Variants in CRTAC1 observed in about 807,000 individuals in gnomAD.
CRTAC1 encodes cartilage acidic protein 1.
A neutral mutation model predicts 67.8 loss-of-function variants in CRTAC1; 37 were observed. The ratio of observed to expected loss-of-function variants is 0.55; its 90% confidence interval spans 0.42 to 0.72. The LOEUF (loss-of-function observed/expected upper bound fraction) is 0.72, where lower values mean the gene tolerates loss of function less well. CRTAC1 is among the 30% of genes least tolerant of loss of function. The pLI is 0.00. For synonymous variants in CRTAC1, 348 were observed against 371.0 expected (o/e 0.94, Z 0.71); for missense variants, 780 against 931.6 (o/e 0.84, Z 2.12).
At chr10:97,934,885 G>T (rs920891149) in intron 3 of CRTAC1, among the ~76,000 whole-genome samples, 1 of 144,928 alleles carries the variant, frequency 6.9e-6, no homozygotes, top group Non-Finnish European at 1.5e-5. Flanking sequence ...CCGCAGAGAT[G>T]TTACAGCCCC....
At chr10:97,933,660 T>A (rs1002291173) in intron 3 of CRTAC1, among the ~76,000 whole-genome samples, 2 of 152,192 alleles carry the variant, frequency 1.3e-5, no homozygotes, top group African/African-American at 4.8e-5. Context: ...AGTGTGAACT[T>A]CACGAGGGCA....
chr10:97,949,049 G>A (rs2051308641), intron 2 of CRTAC1, among the ~76,000 whole-genome samples: 1 of 152,198 alleles, frequency 6.6e-6, no homozygotes, highest in African/African-American at 2.4e-5. Flanking sequence ...GATAAGATTT[G>A]GGTGGGGACA....
intron 2 of CRTAC1, among the ~76,000 whole-genome samples, chr10:97,950,682 G>A (rs1419687046): frequency 2.0e-5 from 3 of 152,184 alleles, no homozygotes; most frequent in East Asian, 1.9e-4. Context: ...GCTGGTCACC[G>A]CTCATGGGGA....
intron 2 of CRTAC1, among the ~76,000 whole-genome samples, chr10:97,992,796 A>G (rs1842486562): frequency 6.6e-6 from 1 of 152,186 alleles, no homozygotes; most frequent in African/African-American, 2.4e-5. Flanking sequence ...AGGAGTGAGG[A>G]AGGGAGATAT....
intron 2 of CRTAC1, among the ~76,000 whole-genome samples, chr10:98,003,851 T>C (rs1842737334): frequency 1.3e-5 from 2 of 152,182 alleles, no homozygotes; most frequent in South Asian, 4.1e-4. Flanking sequence ...ACCTTTGAAC[T>C]GATCAGGAGA....
At chr10:97,879,586 C>T in intron 14 of CRTAC1, 1 of 1,449,292 alleles carries the variant, frequency 6.9e-7, no homozygotes, top group South Asian at 1.5e-5. Flanking sequence ...ACAGCAGAAC[C>T]TACTGGGCGT....
chr10:97,941,935 G>T (rs1043180362), intron 2 of CRTAC1, among the ~76,000 whole-genome samples: 2 of 152,088 alleles, frequency 1.3e-5, no homozygotes, highest in Admixed American at 1.3e-4. Flanking sequence ...TACCTCACTG[G>T]CCTCCTTCTG....
At chr10:97,952,516 A>C (rs2051373263) in intron 2 of CRTAC1, among the ~76,000 whole-genome samples, 1 of 136,954 alleles carries the variant, frequency 7.3e-6, no homozygotes, top group African/African-American at 2.7e-5. Flanking sequence ...CCAACCTGGG[A>C]GAAAAGAGTG....
At chr10:97,964,008 C>A (rs1321066517) in intron 2 of CRTAC1, among the ~76,000 whole-genome samples, 1 of 152,178 alleles carries the variant, frequency 6.6e-6, no homozygotes, top group East Asian at 1.9e-4. Context: ...TCTACACTCG[C>A]CCCACCTACC....
At chr10:97,871,049 T>TA (rs1381953064) in intron 14 of CRTAC1, 1 of 152,200 alleles carries the variant, frequency 6.6e-6, no homozygotes, top group African/African-American at 2.4e-5. Context: ...AATGTCGGTT[T>TA]CTTTCCTTCC....
chr10:97,917,510 G>A lies in CRTAC1; in HGVS notation c.705C>T (p.Ser235=). The change falls in exon 5 of 15, where the codon AGC becomes AGT. Residue 235 remains serine, a synonymous_variant. Coordinates refer to ENST00000370597, the MANE Select transcript of CRTAC1 (RefSeq NM_018058.7). The stretch of plus-strand genomic sequence containing the variant: ...TGTCACTCTGCATACCTGTATATTT[G>A]CTGACCCCAGCCTCAGCAGCCACAT... ...LRDVAAEAGV[S]KYTGGRGVSV... 6.3e-7 allele frequency: 1 copy of A among 1,576,882 alleles called. No homozygotes were observed. Among genetic ancestry groups the A allele is most frequent in the South Asian group, 1.2e-5 (1 of 84,130 alleles).
intron 11 of CRTAC1, among the ~76,000 whole-genome samples, chr10:97,891,386 C>T (rs1005655188): frequency 6.6e-6 from 1 of 152,256 alleles, no homozygotes; most frequent in African/African-American, 2.4e-5. Flanking sequence ...GAATGGTCTC[C>T]TTAGGCCCTC....
At chr10:97,934,514 G>A (rs969999200) in intron 3 of CRTAC1, among the ~76,000 whole-genome samples, 7 of 152,052 alleles carry the variant, frequency 4.6e-5, no homozygotes, top group Non-Finnish European at 7.4e-5. Context: ...TTCCCCTCCC[G>A]TTTATGCAAC....
chr10:97,997,368 G>T (rs973814454), intron 2 of CRTAC1, among the ~76,000 whole-genome samples: 1 of 146,430 alleles, frequency 6.8e-6, no homozygotes, highest in Non-Finnish European at 1.5e-5. Flanking sequence ...CAGGAGAAAC[G>T]CTTGAACCTG....
intron 14 of CRTAC1, 127 bp from the exon 15 acceptor site, chr10:97,865,841 G>A: frequency 7.9e-7 from 1 of 1,269,536 alleles, no homozygotes; most frequent in Non-Finnish European, 1.1e-6. Flanking sequence ...AGGGTGACGG[G>A]CCTCATATTT....
intron 7 of CRTAC1, 38 bp from the exon 8 acceptor site, chr10:97,901,677 T>G (rs1590194932): frequency 6.2e-7 from 1 of 1,612,106 alleles, no homozygotes; most frequent in Non-Finnish European, 8.5e-7. Context: ...GGCAGGAGAG[T>G]GGGCTGGGGC....
At chr10:98,007,882 G>A (rs1244478770) in intron 2 of CRTAC1, among the ~76,000 whole-genome samples, 2 of 152,282 alleles carry the variant, frequency 1.3e-5, no homozygotes, top group African/African-American at 4.8e-5. Flanking sequence ...AAGAGAAAAA[G>A]ACTTCATTGA....
chr10:97,937,168 C>A (rs904621585), intron 2 of CRTAC1, among the ~76,000 whole-genome samples: 1 of 152,206 alleles, frequency 6.6e-6, no homozygotes, highest in Middle Eastern at 3.2e-3. Context: ...CACTCTCCTG[C>A]GCCTGCAACT....
At chr10:97,984,056 C>T (rs1033739215) in intron 2 of CRTAC1, among the ~76,000 whole-genome samples, 1 of 152,206 alleles carries the variant, frequency 6.6e-6, no homozygotes, top group East Asian at 1.9e-4. Flanking sequence ...AAAGGACACA[C>T]ATCTTGCTTA....
Sources: gnomAD v4.1 joint callset for allele counts (sites outside exome capture counted in the v4.1 genomes callset) on GRCh38, gnomAD v4.1.1 for gene constraint, MANE v1.5 for transcripts, NCBI Gene and HGNC (gene_info 2026-07-23, HGNC 2026-07-21) for gene names.